Variants in LPP observed in about 807,000 individuals in gnomAD.
LPP encodes the protein lipoma-preferred partner.
In LPP, 38 loss-of-function variants were observed where a neutral mutation model predicts 60.4. The ratio of observed to expected loss-of-function variants is 0.63; its 90% CI spans 0.49 to 0.83. The LOEUF is 0.83. Among genes scored for constraint, LPP ranks in the 40% least tolerant of loss-of-function variants. The pLI, the probability that LPP is intolerant of heterozygous loss-of-function variation, is 0.00. For missense variants in LPP, 902 were observed against 783.6 expected (o/e 1.15, Z -1.80); for synonymous variants, 328 against 290.8 (o/e 1.13, Z -1.30).
intron 4 of LPP, among the ~76,000 whole-genome samples, chr3:188,447,146 T>C (rs1252109876): frequency 2.0e-5 from 3 of 152,170 alleles, no homozygotes; most frequent in African/African-American, 7.2e-5. Flanking sequence ...TGGCTTTACC[T>C]GGAGGGAGTT....
At chr3:188,183,939 T>C (rs1431682974) in intron 1 of LPP, among the ~76,000 whole-genome samples, 1 of 152,154 alleles carries the variant, frequency 6.6e-6, no homozygotes, top group Non-Finnish European at 1.5e-5. Flanking sequence ...AGAGATAGAC[T>C]GAACTAGTGT....
intron 5 of LPP, among the ~76,000 whole-genome samples, chr3:188,503,878 G>A (rs1019866042): frequency 2.6e-5 from 4 of 152,092 alleles, no homozygotes; most frequent in South Asian, 4.1e-4. Flanking sequence ...GGTTGTCTTT[G>A]TCTTTTGACA....
At chr3:188,479,509 T>C (rs1804167043) in intron 4 of LPP, among the ~76,000 whole-genome samples, 3 of 152,188 alleles carry the variant, frequency 2.0e-5, no homozygotes, top group South Asian at 4.1e-4. Flanking sequence ...TATTAAAACA[T>C]CAGTTAAGGA....
chr3:188,635,959 A>C (rs918889334), intron 7 of LPP, among the ~76,000 whole-genome samples: 4 of 152,218 alleles, frequency 2.6e-5, no homozygotes, highest in African/African-American at 9.6e-5. Context: ...GTTTTACCCA[A>C]TGCCTAGCCT....
At chr3:188,463,249 G>T (rs55742034) in intron 4 of LPP, among the ~76,000 whole-genome samples, 1,886 of 152,086 alleles carry the variant, frequency 0.012, 40 homozygotes, top group African/African-American at 0.043. Flanking sequence ...GGAGTGAGTG[G>T]CACAATCATG....
chr3:188,742,360 A>T (rs1724757679), intron 8 of LPP, among the ~76,000 whole-genome samples: 1 of 152,112 alleles, frequency 6.6e-6, no homozygotes, highest in Admixed American at 6.6e-5. Context: ...TAGCAACTAT[A>T]TTTATAATGG....
At chr3:188,225,935 A>G (rs1717569325) in intron 2 of LPP, among the ~76,000 whole-genome samples, 1 of 152,254 alleles carries the variant, frequency 6.6e-6, no homozygotes, top group Non-Finnish European at 1.5e-5. Flanking sequence ...TTACAAGGAA[A>G]GAAAGCAGTA....
At chr3:188,600,769 C>G (rs1293903655) in intron 6 of LPP, among the ~76,000 whole-genome samples, 2 of 152,032 alleles carry the variant, frequency 1.3e-5, no homozygotes, top group Admixed American at 6.6e-5. Flanking sequence ...AAATTTGACT[C>G]TTCTAGGGGC....
intron 1 of LPP, among the ~76,000 whole-genome samples, chr3:188,154,809 G>A (rs1024357026): frequency 6.6e-6 from 1 of 152,236 alleles, no homozygotes; most frequent in African/African-American, 2.4e-5. Flanking sequence ...AAGGAACTCA[G>A]TTGAACCTGG....
At chr3:188,195,504 T>C (rs1729291874) in intron 1 of LPP, among the ~76,000 whole-genome samples, 1 of 152,168 alleles carries the variant, frequency 6.6e-6, no homozygotes, top group African/African-American at 2.4e-5. Context: ...ATTCATTTTG[T>C]CATATTATTA....
intron 7 of LPP, among the ~76,000 whole-genome samples, chr3:188,619,865 A>G (rs1192717245): frequency 6.6e-6 from 1 of 152,236 alleles, no homozygotes; most frequent in African/African-American, 2.4e-5. Context: ...GAAGAACAGA[A>G]TATCAAAATC....
intron 7 of LPP, among the ~76,000 whole-genome samples, chr3:188,623,977 G>C (rs1846303822): frequency 6.6e-6 from 1 of 152,190 alleles, no homozygotes; most frequent in South Asian, 2.1e-4. Flanking sequence ...GTGGGCTATA[G>C]AGTGGAATTA....
At chr3:188,807,833 A>G (rs542095268) in intron 9 of LPP, among the ~76,000 whole-genome samples, 50 of 152,066 alleles carry the variant, frequency 3.3e-4, no homozygotes, top group Admixed American at 6.6e-4. Flanking sequence ...TCAATCCAAC[A>G]TCTGTCTTAT....
chr3:188,493,924 T>C (rs1410409934), intron 5 of LPP, among the ~76,000 whole-genome samples: 1 of 152,200 alleles, frequency 6.6e-6, no homozygotes, highest in Non-Finnish European at 1.5e-5. Context: ...ATATTCTTAA[T>C]TTTTGTGGTG....
At chr3:188,297,558 TC>T (rs1483828788) in intron 2 of LPP, among the ~76,000 whole-genome samples, 1 of 152,202 alleles carries the variant, frequency 6.6e-6, no homozygotes, top group Non-Finnish European at 1.5e-5. Flanking sequence ...AGATTGCCTA[TC>T]AGGTTTTAAA....
At chr3:188,650,165 A>G (rs1053783395) in intron 7 of LPP, among the ~76,000 whole-genome samples, 1 of 152,228 alleles carries the variant, frequency 6.6e-6, no homozygotes, top group African/African-American at 2.4e-5. Flanking sequence ...TCCTTACTAC[A>G]GAATTCACTT....
intron 2 of LPP, among the ~76,000 whole-genome samples, chr3:188,301,390 A>G (rs1205335400): frequency 6.6e-6 from 1 of 152,226 alleles, no homozygotes; most frequent in African/African-American, 2.4e-5. Context: ...TTTCAAAATC[A>G]GGAGGGAAGG....
chr3:188,847,280 A>G (rs145774782), intron 9 of LPP, among the ~76,000 whole-genome samples: 1 of 152,312 alleles, frequency 6.6e-6, no homozygotes, highest in East Asian at 1.9e-4. Context: ...TTGCAGTTGT[A>G]CTGTCAGGAC....
chr3:188,791,175 G>T (rs1743608695), intron 9 of LPP, among the ~76,000 whole-genome samples: 1 of 152,122 alleles, frequency 6.6e-6, no homozygotes, highest in African/African-American at 2.4e-5. Flanking sequence ...CAGGAGCATG[G>T]TCATTCTGCA....
Sources: allele counts gnomAD v4.1 joint callset (sites outside exome capture counted in the v4.1 genomes callset), GRCh38; gene constraint gnomAD v4.1.1; transcripts MANE v1.5; gene names NCBI Gene and HGNC (gene_info 2026-07-23, HGNC 2026-07-21).